GAREM1: variants seen among roughly 807,000 people sequenced by gnomAD.
GAREM1 encodes GRB2 associated regulator of MAPK1 subtype 1.
A neutral mutation model predicts 71.3 loss-of-function variants in GAREM1; 26 were observed. The ratio of observed to expected loss-of-function variants is 0.36; its 90% CI spans 0.27 to 0.51. GAREM1 has a LOEUF of 0.51. GAREM1 is among the 20% of genes least tolerant of loss of function. The pLI, the probability that GAREM1 is intolerant of heterozygous loss-of-function variation, is 0.95. For synonymous variants in GAREM1, 440 were observed against 433.2 expected, an observed-to-expected ratio of 1.02 and a Z score of -0.20; for missense variants, 1,026 against 1,103.1, an observed-to-expected ratio of 0.93 and a Z score of 0.99.
At chr18:32,461,411 T>G (rs1343085549) in intron 1 of GAREM1, among the ~76,000 whole-genome samples, 1 of 152,120 alleles carries the variant, frequency 6.6e-6, no homozygotes, top group African/African-American at 2.4e-5. Flanking sequence ...AAATAATTCA[T>G]CCTGCCAGGG....
At chr18:32,413,008 A>C in intron 1 of GAREM1, 2 of 1,598,142 alleles carry the variant, frequency 1.3e-6, no homozygotes, top group Non-Finnish European at 1.7e-6. Flanking sequence ...ACAAACCCAA[A>C]GCCCCTGGAG....
At chr18:32,379,894 C>T (rs567498003) in intron 2 of GAREM1, among the ~76,000 whole-genome samples, 2 of 152,238 alleles carry the variant, frequency 1.3e-5, no homozygotes, top group African/African-American at 4.8e-5. Flanking sequence ...TGCTATGAAA[C>T]AGGGAGACCA....
chr18:32,425,106 T>C (rs2048562292), intron 1 of GAREM1, among the ~76,000 whole-genome samples: 1 of 152,216 alleles, frequency 6.6e-6, no homozygotes, highest in Non-Finnish European at 1.5e-5. Flanking sequence ...GCGTTGGGCA[T>C]ATGTTAATTT....
intron 4 of GAREM1, among the ~76,000 whole-genome samples, chr18:32,284,752 C>CTTTTTTTTTTTTTTTTTTTT (rs34946592): frequency 8.2e-6 from 1 of 121,214 alleles, no homozygotes; most frequent in African/African-American, 3.5e-5. Flanking sequence ...TGCCCCCTTA[C>CTTTTTTTTTTTTTTTTTTTT]TTTTTTTTTT....
At chr18:32,382,308 A>G (rs1373610536) in intron 2 of GAREM1, among the ~76,000 whole-genome samples, 2 of 152,134 alleles carry the variant, frequency 1.3e-5, no homozygotes, top group Non-Finnish European at 2.9e-5. Flanking sequence ...GATTAGGAAA[A>G]GCTTCTTGAA....
At chr18:32,381,183 A>G (rs1567987938) in intron 2 of GAREM1, among the ~76,000 whole-genome samples, 1 of 151,948 alleles carries the variant, frequency 6.6e-6, no homozygotes, top group East Asian at 1.9e-4. Flanking sequence ...TATCTCTTAC[A>G]TATCTGGCAA....
At chr18:32,452,687 GT>G (rs1450853247) in intron 1 of GAREM1, among the ~76,000 whole-genome samples, 1 of 152,112 alleles carries the variant, frequency 6.6e-6, no homozygotes, top group Non-Finnish European at 1.5e-5. Flanking sequence ...CCTAGCCCTT[GT>G]TACTGTGCTT....
intron 2 of GAREM1, among the ~76,000 whole-genome samples, chr18:32,375,480 G>C (rs1270853763): frequency 6.6e-6 from 1 of 152,098 alleles, no homozygotes; most frequent in Non-Finnish European, 1.5e-5. Flanking sequence ...TGAGTCCAAT[G>C]CCAGTCTAAA....
chr18:32,291,239 A>T lies in GAREM1; in HGVS notation c.394-3036T>A, dbSNP rs140407086. ...ATAAAAAAAAATAAAGTGCAAAAAA[A>T]GTTTATACAGTATACTTTTTTTTTG... On this transcript the variant is annotated intron_variant, in intron 3 of 5. Coordinates refer to ENST00000269209, the MANE Select transcript of GAREM1 (RefSeq NM_001242409.2). 6.7e-4 allele frequency among the ~76,000 whole-genome samples: 102 copies of T among 151,882 alleles called. 1 individual carries two copies. The highest frequency in any genetic ancestry group is 2.2e-3 in the African/African-American group (93 of 41,490).
intron 3 of GAREM1, among the ~76,000 whole-genome samples, chr18:32,296,002 G>T (rs561589521): frequency 6.7e-6 from 1 of 149,624 alleles, no homozygotes; most frequent in African/African-American, 2.5e-5. Context: ...TCACTCTGCC[G>T]CCCAGGCTGG....
At chr18:32,271,695 T>C (rs541603138) in intron 4 of GAREM1, among the ~76,000 whole-genome samples, 33 of 152,296 alleles carry the variant, frequency 2.2e-4, no homozygotes, top group African/African-American at 7.9e-4. Flanking sequence ...AAGTACTTTT[T>C]ATAAGAGCTG....
intron 2 of GAREM1, among the ~76,000 whole-genome samples, chr18:32,348,216 C>A (rs1001089423): frequency 6.6e-6 from 1 of 152,130 alleles, no homozygotes; most frequent in African/African-American, 2.4e-5. Context: ...AGTCATTACG[C>A]CACTCAATGA....
chr18:32,458,662 CA>C (rs1409099155), intron 1 of GAREM1, among the ~76,000 whole-genome samples: 2 of 151,308 alleles, frequency 1.3e-5, no homozygotes, highest in Non-Finnish European at 3.0e-5. Context: ...AAAACTCTAC[CA>C]AAAAATTGAA....
chr18:32,293,574 T>A (rs2047108839), intron 3 of GAREM1, among the ~76,000 whole-genome samples: 1 of 152,240 alleles, frequency 6.6e-6, no homozygotes, highest in South Asian at 2.1e-4. Context: ...ACTATTATAC[T>A]TTATACTATT....
chr18:32,354,689 G>A (rs112453600), intron 2 of GAREM1, among the ~76,000 whole-genome samples: 117 of 152,286 alleles, frequency 7.7e-4, no homozygotes, highest in African/African-American at 2.5e-3. Flanking sequence ...AACATGGCCC[G>A]GGGAGGAAAA....
intron 2 of GAREM1, among the ~76,000 whole-genome samples, chr18:32,333,442 C>G (rs1224063842): frequency 6.6e-6 from 1 of 152,122 alleles, no homozygotes; most frequent in African/African-American, 2.4e-5. Context: ...GACCATGGGT[C>G]TGATGGTGAG....
intron 2 of GAREM1, among the ~76,000 whole-genome samples, chr18:32,362,593 T>A (rs1264359151): frequency 2.0e-5 from 3 of 152,162 alleles, no homozygotes; most frequent in Non-Finnish European, 2.9e-5. Flanking sequence ...AAAAGATAAA[T>A]TTATATGGTT....
chr18:32,297,221 C>T (rs1355418087), intron 3 of GAREM1, among the ~76,000 whole-genome samples: 2 of 152,166 alleles, frequency 1.3e-5, no homozygotes, highest in Admixed American at 6.5e-5. Context: ...GAACCATGGC[C>T]TTTGGAAACT....
intron 1 of GAREM1, among the ~76,000 whole-genome samples, chr18:32,454,431 A>C (rs1382631768): frequency 1.3e-5 from 2 of 152,178 alleles, no homozygotes; most frequent in Non-Finnish European, 2.9e-5. Flanking sequence ...GTTAATTTCC[A>C]TTCTGAAATA....
Sources: gnomAD v4.1 joint callset for allele counts (sites outside exome capture counted in the v4.1 genomes callset) on GRCh38, gnomAD v4.1.1 for gene constraint, MANE v1.5 for transcripts, NCBI Gene and HGNC (gene_info 2026-07-23, HGNC 2026-07-21) for gene names.